Variants in ADAP1 observed in about 807,000 individuals in gnomAD.
ADAP1 encodes ArfGAP with dual PH domains 1, also known as arf-GAP with dual PH domain-containing protein 1.
A neutral mutation model predicts 54.9 loss-of-function variants in ADAP1; 31 were observed. The ratio of observed to expected loss-of-function variants is 0.56; its 90% CI spans 0.42 to 0.76. ADAP1 has a LOEUF of 0.76. Ranked by LOEUF, ADAP1 falls within the 30% of genes least tolerant of loss-of-function variation. ADAP1 has a pLI of 0.00. For missense variants in ADAP1, 535 were observed against 512.4 expected, an observed-to-expected ratio of 1.04 and a Z score of -0.42; for synonymous variants, 313 against 202.6, an observed-to-expected ratio of 1.55 and a Z score of -4.63.
chr7:955,328 C>T (rs954909913), upstream of ADAP1: 4 of 1,550,210 alleles, frequency 2.6e-6, no homozygotes, highest in African/African-American at 5.5e-5. Flanking sequence ...CTCTGCACAC[C>T]CCAGCATCTT....
At chr7:927,514 G>T in intron 2 of ADAP1, 1 of 470,532 alleles carries the variant, frequency 2.1e-6, no homozygotes. Flanking sequence ...GCCGCAGCCA[G>T]GCCCAGCCAG....
chr7:905,424 AGGAGAAAGGAGAAAG>A (rs1225062752), intron 4 of ADAP1: 18 of 141,202 alleles, frequency 1.3e-4, no homozygotes, highest in Non-Finnish European at 1.6e-4. Flanking sequence ...AGAAAGAGAA[AGGAGAAAGGAGAAAG>A]GGAGAAAGGG....
chr7:955,126 G>A (rs1402268644), upstream of ADAP1, among the ~76,000 whole-genome samples: 1 of 152,126 alleles, frequency 6.6e-6, no homozygotes, highest in Non-Finnish European at 1.5e-5. Context: ...CCAGGGCACT[G>A]AGGCCACACA....
In ADAP1 at chr7:933,128, G is replaced by A. The variant is rs1002180652; in HGVS notation, c.213+2247C>T. Reference sequence around the variant, plus strand: ...TCTACTAAAAATACGAAAATTAGCCGGGCGTGGTGGCGTGCACCTGCAATC... The same window carrying A: ...TCTACTAAAAATACGAAAATTAGCCAGGCGTGGTGGCGTGCACCTGCAATC... On this transcript the variant is annotated intron_variant, in intron 2 of 10. Transcript: ENST00000265846. Among the ~76,000 whole-genome samples, 18 of 152,002 alleles carry A rather than the reference G, an allele frequency of 1.2e-4. No individual in the cohort carries two copies. In the East Asian group the frequency reaches 2.6e-3, roughly 22 times the overall value.
chr7:927,078 G>T (rs1295073851), intron 2 of ADAP1: 1 of 1,299,462 alleles, frequency 7.7e-7, no homozygotes, highest in Non-Finnish European at 1.0e-6. Flanking sequence ...GCCAACAGGC[G>T]CCAGACACGG....
At chr7:899,528 G>A (rs755401596) in intron 8 of ADAP1, 38 bp from the exon 9 acceptor site, 40 of 1,598,506 alleles carry the variant, frequency 2.5e-5, no homozygotes, top group South Asian at 1.3e-4. Context: ...GCAGGTCGCC[G>A]AGGCAGGCCC....
chr7:900,335 C>T (rs1456043350), intron 7 of ADAP1, among the ~76,000 whole-genome samples, 171 bp from the exon 8 acceptor site: 4 of 152,196 alleles, frequency 2.6e-5, no homozygotes, highest in Admixed American at 1.3e-4. Context: ...CCCCTTCCCT[C>T]CCCGCTTTCC....
In ADAP1 at chr7:918,199, G is replaced by A. The variant is rs982317051; in HGVS notation, c.388+1769C>T. Among the ~76,000 whole-genome samples, 12 of 152,212 alleles carry A rather than the reference G, an allele frequency of 7.9e-5. No homozygotes were observed. The South Asian group carries it at 2.1e-3, about 26-fold the overall frequency. ...TGCCTCCCAAACTGCTGGAACCACC[G>A]GCGTGAGCCACCGTGCCCGACCCTT... is the stretch of plus-strand genomic sequence containing the variant. On this transcript the variant is annotated intron_variant, in intron 4 of 10. Coordinates refer to ENST00000265846, the MANE Select transcript of ADAP1 (RefSeq NM_006869.4).
rs1160868430 is a variant in ADAP1, at chr7:904,122, C to A, written c.648+4G>T. On this transcript the variant is annotated splice_donor_region_variant and intron_variant, in intron 6 of 10. Coordinates refer to ENST00000265846, the MANE Select transcript of ADAP1 (RefSeq NM_006869.4). ...CCCGGGCCCGAGTGCTCGCCAGCAC[C>A]CACCTTCCCGTCCTCATGGTAGATG... The A allele has an allele frequency of 1.9e-6, 3 of 1,612,072 alleles. No individual in the cohort carries two copies. In the South Asian group the frequency reaches 3.3e-5, roughly 18 times the overall value.
rs1266447551 is a variant in ADAP1, at chr7:920,516, A to ACC, written c.306-468_306-467dup. Among the ~76,000 whole-genome samples the ACC allele has an allele frequency of 6.8e-6, 1 of 146,460 alleles. No homozygotes were observed. Among genetic ancestry groups the ACC allele is most frequent in the African/African-American group, 2.5e-5 (1 of 39,324 alleles). ...TCCACCCACCGTGCTGCCACCTTGC[A>ACC]CCCCCCGTGCCGCCCTCCACCCGCC... is the stretch of plus-strand genomic sequence containing the variant. On this transcript the variant is annotated intron_variant, in intron 3 of 10. Coordinates refer to ENST00000265846, the MANE Select transcript of ADAP1 (RefSeq NM_006869.4). The surrounding 1 kb of genome is among the most constrained non-coding windows in gnomAD (Gnocchi z 4.5).
chr7:919,962 C>A lies in ADAP1; in HGVS notation c.388+6G>T, dbSNP rs1484338869. ...GGGAGGCCCCACCCCACCCGGGTGG[C>A]CTCACCTGCCGAGTAGGGCTCCTGC... On this transcript the variant is annotated splice_donor_region_variant and intron_variant, in intron 4 of 10. Transcript: ENST00000265846. 6.2e-7 allele frequency: 1 copy of A among 1,600,882 alleles called. No individual in the cohort carries two copies. Among genetic ancestry groups the A allele is most frequent in the African/African-American group, 1.4e-5 (1 of 74,006 alleles).
chr7:935,443 G>C lies in ADAP1; in HGVS notation c.145C>G (p.Arg49Gly). 1 of 1,560,618 alleles carries C rather than the reference G, an allele frequency of 6.4e-7. No homozygotes were observed. Among genetic ancestry groups the C allele is most frequent in the South Asian group, 1.2e-5 (1 of 84,614 alleles). The change falls in exon 2 of 11, where the codon CGG (arginine) becomes GGG (glycine). Residue 49 changes from arginine to glycine, a missense_variant. Physicochemically the swap from Arg to Gly is moderately radical, Grantham distance 125. Coordinates refer to ENST00000265846, the MANE Select transcript of ADAP1 (RefSeq NM_006869.4). ...FICLSCSGIH[R>G]NIPQVSKVKS... ...ACCTTGCTGACCTGGGGGATATTCC[G>C]GTGGATTCCCGAGCAGCTCAGGCAG... is the stretch of plus-strand genomic sequence containing the variant.
chr7:902,063 T>A (rs1554270664), intron 6 of ADAP1, among the ~76,000 whole-genome samples: 1 of 151,988 alleles, frequency 6.6e-6, no homozygotes, highest in Non-Finnish European at 1.5e-5. Flanking sequence ...CTCCCACAGC[T>A]GGGGGCCAAG....
At chr7:903,991 C>CT in intron 6 of ADAP1, 135 bp downstream of exon 6, 1 of 1,231,580 alleles carries the variant, frequency 8.1e-7, no homozygotes, top group Non-Finnish European at 1.1e-6. Flanking sequence ...CCCAGCCCGA[C>CT]TTCCCGCCTT....
chr7:909,360 GGTCCTCCC>G (rs1389358336), intron 4 of ADAP1, among the ~76,000 whole-genome samples: 2,026 of 105,022 alleles, frequency 0.019, 233 homozygotes, highest in Admixed American at 0.026. Flanking sequence ...CGGGAACCCC[GGTCCTCCC>G]GACAGCAGGC....
intron 4 of ADAP1, among the ~76,000 whole-genome samples, chr7:908,321 T>C (rs1322968850): frequency 6.6e-6 from 1 of 152,092 alleles, no homozygotes; most frequent in Non-Finnish European, 1.5e-5. Flanking sequence ...CCAGGGGCTA[T>C]TTTCTCTGCT....
At chr7:954,369 C>A (rs1189805611) in intron 1 of ADAP1, 27 bp downstream of exon 1, 4 of 1,055,948 alleles carry the variant, frequency 3.8e-6, no homozygotes, top group Non-Finnish European at 4.6e-6. Flanking sequence ...ACCCACCCGG[C>A]CCCGCGCCCA....
rs544337421 is a variant in ADAP1 at position 904,448 on chromosome 7, C to T, written c.502-176G>A. Among the ~76,000 whole-genome samples, 3 of 152,314 alleles carry T rather than the reference C, an allele frequency of 2.0e-5. No homozygotes were observed. The South Asian group carries it at 6.2e-4, about 32-fold the overall frequency. Reference sequence around the variant, plus strand: ...GGTCTGTAAGCAGAAGGTAACAGCACCTCCCTCCCAGGAGTGATGGGGACC... The same window carrying T: ...GGTCTGTAAGCAGAAGGTAACAGCATCTCCCTCCCAGGAGTGATGGGGACC... On this transcript the variant is annotated intron_variant, in intron 5 of 10. Coordinates refer to ENST00000265846, the MANE Select transcript of ADAP1 (RefSeq NM_006869.4).
At chr7:925,044 G>A (rs867030139) in intron 3 of ADAP1, among the ~76,000 whole-genome samples, 44 of 152,006 alleles carry the variant, frequency 2.9e-4, no homozygotes, top group Admixed American at 1.4e-3. Context: ...GGGCTGAGTC[G>A]CCAGCCTCGG....
Sources: gnomAD v4.1 joint callset for allele counts (sites outside exome capture counted in the v4.1 genomes callset) on GRCh38, gnomAD v4.1.1 for gene constraint, Gnocchi (gnomAD v3.1) non-coding constraint, MANE v1.5 for transcripts, NCBI Gene and HGNC (gene_info 2026-07-23, HGNC 2026-07-21) for gene names.